The following BPTF variants were observed in gnomAD, a reference collection of about 807,000 sequenced individuals.
BPTF encodes the protein nucleosome-remodeling factor subunit BPTF.
Under a neutral mutation model 292.5 loss-of-function variants are expected in BPTF, and 18 were observed. The observed-to-expected ratio is 0.06, with a 90% CI of 0.04 to 0.09. BPTF has a LOEUF of 0.09. Ranked by LOEUF, BPTF falls within the 10% of genes least tolerant of loss-of-function variation. The probability of loss-of-function intolerance (pLI) is 1.00; values close to 1 mark genes in which losing one functional copy is unlikely to be tolerated. For synonymous variants in BPTF, 1,225 were observed against 1,251.9 expected, an observed-to-expected ratio of 0.98 and a Z score of 0.45; for missense variants, 2,726 against 3,498.7, an observed-to-expected ratio of 0.78 and a Z score of 5.57.
chr17:67,859,881 A>G (rs1488434793), intron 2 of BPTF, among the ~76,000 whole-genome samples: 1 of 152,228 alleles, frequency 6.6e-6, no homozygotes, highest in Non-Finnish European at 1.5e-5. Context: ...ATACTATTCG[A>G]TAATTACATA....
chr17:67,880,958 T>TACACAC (rs71993218), intron 4 of BPTF, among the ~76,000 whole-genome samples: 18 of 149,020 alleles, frequency 1.2e-4, no homozygotes, highest in African/African-American at 3.7e-4. Context: ...TATATATATA[T>TACACAC]ACACACACAC....
At chr17:67,845,834 TAAAA>T (rs1311979138) in intron 1 of BPTF, among the ~76,000 whole-genome samples, 4 of 150,104 alleles carry the variant, frequency 2.7e-5, no homozygotes, top group Non-Finnish European at 5.9e-5. Context: ...ATGTATATAA[TAAAA>T]AAGAAAAACA....
intron 2 of BPTF, among the ~76,000 whole-genome samples, chr17:67,861,412 C>T (rs1398828705): frequency 6.6e-6 from 1 of 150,628 alleles, no homozygotes; most frequent in Non-Finnish European, 1.5e-5. Context: ...CTCACTGCAA[C>T]CCCCTGCCTC....
At chr17:67,860,022 A>G (rs999572489) in intron 2 of BPTF, among the ~76,000 whole-genome samples, 5 of 152,242 alleles carry the variant, frequency 3.3e-5, no homozygotes, top group Non-Finnish European at 7.3e-5. Flanking sequence ...ATGTTTGTCA[A>G]TAAAACTGTT....
At chr17:67,875,651 G>A in intron 4 of BPTF, 1 of 1,608,644 alleles carries the variant, frequency 6.2e-7, no homozygotes, top group Non-Finnish European at 8.5e-7. Context: ...TCCCTCTGAA[G>A]GGAGGAGCCC....
Position 67,865,875 on chromosome 17 carries a change from G to A in BPTF, c.1437-589G>A, listed in dbSNP as rs113594383. 1.7e-4 allele frequency among the ~76,000 whole-genome samples: 26 copies of A among 152,302 alleles called. 1 individual carries two copies. Among genetic ancestry groups the A allele is most frequent in the African/African-American group, 6.3e-4 (26 of 41,564 alleles). ...CGATTGTCCAGAAGTAAAGAAGAGG[G>A]ATGAGATATTATTTGAGATAACTCC... is the stretch of plus-strand genomic sequence containing the variant. On this transcript the variant is annotated intron_variant, in intron 2 of 27. Transcript: ENST00000306378.
At chr17:67,884,138 C>CTTTTTTT (rs200471908) in intron 4 of BPTF, among the ~76,000 whole-genome samples, 1 of 134,442 alleles carries the variant, frequency 7.4e-6, no homozygotes, top group African/African-American at 2.6e-5. Flanking sequence ...CATTTTCTTT[C>CTTTTTTT]TTTTTTTTTT....
chr17:67,871,398 G>A (rs1021066865), intron 3 of BPTF, among the ~76,000 whole-genome samples: 1 of 136,572 alleles, frequency 7.3e-6, no homozygotes. Context: ...CCGAGATCGT[G>A]CCACTGCCCT....
intron 26 of BPTF, 80 bp downstream of exon 26, chr17:67,966,736 T>C: frequency 8.2e-7 from 1 of 1,224,474 alleles, no homozygotes; most frequent in Non-Finnish European, 1.1e-6. Flanking sequence ...TATCTTAGAA[T>C]ATTTTTAGCA....
At chr17:67,889,854 T>C (rs528920216) in intron 4 of BPTF, among the ~76,000 whole-genome samples, 1 of 151,916 alleles carries the variant, frequency 6.6e-6, no homozygotes, top group East Asian at 1.9e-4. Flanking sequence ...CAAGAGAAAA[T>C]TGATAGTCTG....
intron 1 of BPTF, among the ~76,000 whole-genome samples, chr17:67,843,285 G>C (rs1411429528): frequency 6.7e-6 from 1 of 149,452 alleles, no homozygotes; most frequent in Non-Finnish European, 1.5e-5. Flanking sequence ...TAGATATGTA[G>C]ACATAGATAC....
chr17:67,977,905 A>G (rs1823644506), intron 27 of BPTF: 1 of 145,284 alleles, frequency 6.9e-6, no homozygotes, highest in African/African-American at 2.5e-5. Context: ...CCCAGGCTGG[A>G]GTGCAATGGC....
intron 1 of BPTF, among the ~76,000 whole-genome samples, chr17:67,852,579 TACC>T (rs982396266): frequency 1.3e-5 from 2 of 152,254 alleles, no homozygotes; most frequent in African/African-American, 4.8e-5. Flanking sequence ...ATAGGAATTT[TACC>T]ACTACTGAAT....
chr17:67,926,826 T>C (rs972980411), intron 15 of BPTF, among the ~76,000 whole-genome samples: 3 of 151,792 alleles, frequency 2.0e-5, no homozygotes, highest in African/African-American at 7.3e-5. Context: ...CAACTTTGAA[T>C]TCCTGGCTTA....
intron 15 of BPTF, among the ~76,000 whole-genome samples, chr17:67,928,078 T>G (rs1165524916): frequency 1.3e-5 from 2 of 152,102 alleles, no homozygotes; most frequent in African/African-American, 2.4e-5. Flanking sequence ...GAGGTGGGGT[T>G]TCACCATATT....
At chr17:67,836,547 G>C (rs1176282263) in intron 1 of BPTF, among the ~76,000 whole-genome samples, 2 of 152,306 alleles carry the variant, frequency 1.3e-5, no homozygotes, top group East Asian at 3.9e-4. Flanking sequence ...ATTTAAAATA[G>C]TGAATGACAT....
intron 11 of BPTF, among the ~76,000 whole-genome samples, chr17:67,915,501 T>A (rs193020496): frequency 5.0e-4 from 76 of 152,312 alleles, no homozygotes; most frequent in Non-Finnish European, 9.4e-4. Context: ...TTTAATCTTT[T>A]ATTTTGGTAC....
At chr17:67,910,339 T>C (rs896621857) in intron 10 of BPTF, among the ~76,000 whole-genome samples, 12 of 152,196 alleles carry the variant, frequency 7.9e-5, no homozygotes, top group Admixed American at 3.3e-4. Context: ...AAGTTTTTTG[T>C]GGCCATGCGT....
intron 7 of BPTF, among the ~76,000 whole-genome samples, chr17:67,896,669 T>C (rs2061475803): frequency 6.6e-6 from 1 of 152,246 alleles, no homozygotes; most frequent in Admixed American, 6.5e-5. Flanking sequence ...GCAAGGGCTA[T>C]ATGCTTGAAA....
Sources: gnomAD v4.1 joint callset for allele counts (sites outside exome capture counted in the v4.1 genomes callset) on GRCh38, gnomAD v4.1.1 for gene constraint, MANE v1.5 for transcripts, NCBI Gene and HGNC (gene_info 2026-07-23, HGNC 2026-07-21) for gene names.